The following FKBP5 variants were observed in gnomAD, a reference collection of about 807,000 sequenced individuals.
FKBP5 encodes FKBP prolyl isomerase 5.
FKBP5 carries 23 observed loss-of-function variants against 50.5 expected under a neutral mutation model. That is an observed-to-expected ratio of 0.46 (90% CI 0.33 to 0.65). FKBP5 has a LOEUF of 0.65. Among genes scored for constraint, FKBP5 ranks in the 30% least tolerant of loss-of-function variants. The pLI is 0.02. For missense variants in FKBP5, 411 were observed against 553.1 expected (o/e 0.74, Z 2.58); for synonymous variants, 176 against 190.6 (o/e 0.92, Z 0.63).
chr6:35,710,008 C>T lies in FKBP5; in HGVS notation c.-20+10320G>A, dbSNP rs114807361. Among the ~76,000 whole-genome samples, 653 of 152,242 alleles carry T rather than the reference C, an allele frequency of 4.3e-3. 1 individual carries two copies. Among genetic ancestry groups the T allele is most frequent in the Middle Eastern group, 0.01 (3 of 294 alleles). Reference sequence around the variant, plus strand: ...TGAGGGAAGACCTCTGAGGAGGCAACATTTGTGCTAAGGCCCAAAAGATGA... The same window carrying T: ...TGAGGGAAGACCTCTGAGGAGGCAATATTTGTGCTAAGGCCCAAAAGATGA... On this transcript the variant is annotated intron_variant, in intron 2 of 11. Transcript: ENST00000536438.
At chr6:35,677,016 G>A (rs1017980416) in intron 1 of FKBP5, among the ~76,000 whole-genome samples, 1 of 152,340 alleles carries the variant, frequency 6.6e-6, no homozygotes, top group East Asian at 1.9e-4. Context: ...AGAGAAGGCA[G>A]AGTAATGAAA....
chr6:35,626,590 CA>C (rs1330256425), intron 3 of FKBP5, among the ~76,000 whole-genome samples: 1 of 152,158 alleles, frequency 6.6e-6, no homozygotes, highest in Non-Finnish European at 1.5e-5. Flanking sequence ...AACCAATCTC[CA>C]GAACTTTTTC....
chr6:35,655,511 T>C (rs1764922363), intron 1 of FKBP5, among the ~76,000 whole-genome samples: 3 of 152,170 alleles, frequency 2.0e-5, no homozygotes, highest in Admixed American at 6.5e-5. Context: ...GCCAACAAGG[T>C]AACATATGAG....
chr6:35,583,153 T>C (rs1251394244), intron 8 of FKBP5: 1 of 985,268 alleles, frequency 1.0e-6, no homozygotes, highest in Admixed American at 6.1e-5. Flanking sequence ...TGGGTGGAAA[T>C]GAAAAGTGTT....
intron 1 of FKBP5, among the ~76,000 whole-genome samples, chr6:35,678,319 G>A (rs952469762): frequency 2.4e-4 from 36 of 152,080 alleles, no homozygotes; most frequent in African/African-American, 8.5e-4. Flanking sequence ...AGACATAGAC[G>A]AATATTTAGA....
intron 3 of FKBP5, among the ~76,000 whole-genome samples, chr6:35,625,628 C>T (rs553431974): frequency 7.4e-5 from 11 of 148,356 alleles, no homozygotes; most frequent in African/African-American, 2.7e-4. Flanking sequence ...CCCAGCTACT[C>T]GGGAGGCTGA....
intron 1 of FKBP5, among the ~76,000 whole-genome samples, chr6:35,662,423 C>A (rs1036590011): frequency 5.3e-5 from 8 of 150,894 alleles, no homozygotes; most frequent in Non-Finnish European, 1.0e-4. Flanking sequence ...TAGAGACATG[C>A]ACAACCACAC....
chr6:35,662,289 T>TG, intron 1 of FKBP5, among the ~76,000 whole-genome samples: 1 of 151,860 alleles, frequency 6.6e-6, no homozygotes, highest in East Asian at 1.9e-4. Flanking sequence ...TTTTTTTTTT[T>TG]TTTGAGACAG....
At chr6:35,581,719 A>G in intron 8 of FKBP5, 1 of 985,522 alleles carries the variant, frequency 1.0e-6, no homozygotes, top group Non-Finnish European at 1.2e-6. Flanking sequence ...CAGGAGTACA[A>G]GTGGGGATTC....
At chr6:35,674,979 G>A (rs1314833725) in intron 1 of FKBP5, among the ~76,000 whole-genome samples, 5 of 152,132 alleles carry the variant, frequency 3.3e-5, no homozygotes, top group Admixed American at 1.3e-4. Context: ...ACCCTACTTA[G>A]AACCTAGCAG....
chr6:35,576,071 G>C (rs943902064), intron 10 of FKBP5, 129 bp from the exon 11 acceptor site: 2 of 720,970 alleles, frequency 2.8e-6, no homozygotes, highest in East Asian at 2.5e-5. Context: ...TATCTAGCTG[G>C]GTAGGTCAGG....
At chr6:35,696,858 T>C (rs554727347) in intron 2 of FKBP5, among the ~76,000 whole-genome samples, 186 of 152,296 alleles carry the variant, frequency 1.2e-3, no homozygotes, top group Non-Finnish European at 2.4e-4. Context: ...GATAGACTTA[T>C]AGAGAAATGG....
At chr6:35,650,106 C>T (rs1347133344) in intron 1 of FKBP5, among the ~76,000 whole-genome samples, 1 of 152,036 alleles carries the variant, frequency 6.6e-6, no homozygotes. Context: ...CACCTGTAAT[C>T]CCAGTACTTT....
chr6:35,633,357 A>G (rs148898887), intron 3 of FKBP5, among the ~76,000 whole-genome samples: 3,571 of 152,170 alleles, frequency 0.023, 91 homozygotes, highest in African/African-American at 0.056. Context: ...ACCCTGGGCA[A>G]CATGGTGAAA....
chr6:35,652,076 T>C (rs1386052948), intron 1 of FKBP5: 2 of 176,712 alleles, frequency 1.1e-5, no homozygotes, highest in Non-Finnish European at 2.5e-5. Context: ...CTGTCTTTAC[T>C]GCACTCTCTA....
At position 35,597,330 on chromosome 6, in the gene FKBP5, C is replaced by A. The variant is rs1044610950; in HGVS notation, c.583G>T (p.Asp195Tyr). ...DVAFTVGEGE[D>Y]HDIPIGIDKA... ...TCAATTCCAATTGGAATGTCGTGGT[C>A]TTCTCCTTCGCCCACAGTGAATGCC... The change falls in exon 6 of 11, where the codon GAC (aspartate) becomes TAC (tyrosine). Residue 195 changes from aspartate to tyrosine, a missense_variant. Asp to Tyr is a radical substitution (Grantham distance 160, BLOSUM62 -3). Coordinates refer to ENST00000357266, the MANE Select transcript of FKBP5 (RefSeq NM_004117.4). 5.6e-6 allele frequency: 9 copies of A among 1,614,208 alleles called. No homozygotes were observed. The highest frequency in any genetic ancestry group is 7.6e-6 in the Non-Finnish European group (9 of 1,180,030).
At chr6:35,578,119 A>G (rs548129909) in intron 9 of FKBP5, among the ~76,000 whole-genome samples, 1 of 151,940 alleles carries the variant, frequency 6.6e-6, no homozygotes, top group African/African-American at 2.4e-5. Context: ...TTCTAGATCA[A>G]CCATATTTAC....
intron 1 of FKBP5, among the ~76,000 whole-genome samples, chr6:35,656,377 T>C (rs1764948899): frequency 6.6e-6 from 1 of 152,248 alleles, no homozygotes; most frequent in South Asian, 2.1e-4. Context: ...TCCAACTCTG[T>C]TATTTTGTAT....
intron 1 of FKBP5, among the ~76,000 whole-genome samples, chr6:35,721,834 A>C (rs1307141521): frequency 6.6e-6 from 1 of 152,248 alleles, no homozygotes; most frequent in Non-Finnish European, 1.5e-5. Flanking sequence ...ACCAAGCCTC[A>C]GTTTCCATCT....
Sources: allele counts gnomAD v4.1 joint callset (sites outside exome capture counted in the v4.1 genomes callset), GRCh38; gene constraint gnomAD v4.1.1; transcripts MANE v1.5; gene names NCBI Gene and HGNC (gene_info 2026-07-23, HGNC 2026-07-21).